APBA2: variants seen among roughly 807,000 people sequenced by gnomAD.
APBA2 encodes the protein amyloid-beta A4 precursor protein-binding family A member 2.
In APBA2, 30 loss-of-function variants were observed where a neutral mutation model predicts 75.0. The observed-to-expected ratio is 0.40, with a 90% CI of 0.30 to 0.54. The LOEUF (loss-of-function observed/expected upper bound fraction) is 0.54. APBA2 is among the 20% of genes least tolerant of loss of function. The pLI is 0.49. For missense variants in APBA2, 801 were observed against 1,016.1 expected, an observed-to-expected ratio of 0.79 and a Z score of 2.88; for synonymous variants, 444 against 409.6, an observed-to-expected ratio of 1.08 and a Z score of -1.01.
chr15:29,057,499 T>A (rs1000079742), intron 4 of APBA2, among the ~76,000 whole-genome samples: 1 of 152,248 alleles, frequency 6.6e-6, no homozygotes, highest in Non-Finnish European at 1.5e-5. Context: ...TGGTCCCTAC[T>A]ACCCTAACGG....
chr15:29,075,916 G>A, intron 5 of APBA2, 139 bp from the exon 6 acceptor site: 2 of 782,174 alleles, frequency 2.6e-6, no homozygotes, highest in East Asian at 4.9e-5. Flanking sequence ...GTATGGAGCT[G>A]ACATCTTCAG....
At chr15:28,990,875 G>C (rs1052325734) in intron 2 of APBA2, 3 of 152,140 alleles carry the variant, frequency 2.0e-5, no homozygotes, top group African/African-American at 7.2e-5. Flanking sequence ...TTTTAATGCC[G>C]TGTTTACAGG....
At chr15:29,037,020 CAA>C (rs1012950085) in intron 3 of APBA2, among the ~76,000 whole-genome samples, 1 of 128,590 alleles carries the variant, frequency 7.8e-6, no homozygotes. Context: ...ACCCTGTCTC[CAA>C]AAAAAAAAAG....
intron 12 of APBA2, among the ~76,000 whole-genome samples, chr15:29,107,245 C>T (rs1020660095): frequency 5.3e-5 from 8 of 152,152 alleles, no homozygotes; most frequent in South Asian, 4.1e-4. Context: ...GGTTCTGGGA[C>T]GCAGGTTCCC....
At chr15:28,908,251 CT>C (rs1426832344) in intron 1 of APBA2, among the ~76,000 whole-genome samples, 1 of 152,054 alleles carries the variant, frequency 6.6e-6, no homozygotes, top group Non-Finnish European at 1.5e-5. Flanking sequence ...AGTCACGCCC[CT>C]GTCACTCCCT....
chr15:29,022,865 A>G (rs2040020795), intron 3 of APBA2, among the ~76,000 whole-genome samples: 1 of 139,376 alleles, frequency 7.2e-6, no homozygotes, highest in African/African-American at 3.2e-5. Flanking sequence ...ATTTGTTTTT[A>G]TCTGGGAATG....
chr15:29,008,701 C>G (rs1401022902), intron 3 of APBA2, among the ~76,000 whole-genome samples: 1 of 152,090 alleles, frequency 6.6e-6, no homozygotes. Flanking sequence ...AGAGCGAGAT[C>G]CCATCTCAGA....
At chr15:28,927,505 A>G (rs2034333151) in intron 2 of APBA2, among the ~76,000 whole-genome samples, 1 of 151,924 alleles carries the variant, frequency 6.6e-6, no homozygotes, top group Admixed American at 6.5e-5. Context: ...TTGGTATTCC[A>G]GTTACACGTG....
chr15:29,031,133 C>T (rs2040468135), intron 3 of APBA2, among the ~76,000 whole-genome samples: 1 of 151,956 alleles, frequency 6.6e-6, no homozygotes, highest in African/African-American at 2.4e-5. Flanking sequence ...TTTTAGCAGT[C>T]TTCGTGCCAT....
At chr15:29,060,360 AGAC>A (rs1420246399) in intron 4 of APBA2, among the ~76,000 whole-genome samples, 19 of 152,264 alleles carry the variant, frequency 1.2e-4, no homozygotes, top group African/African-American at 4.6e-4. Flanking sequence ...ACCTGTGAAT[AGAC>A]TGTGGACTGT....
chr15:29,002,971 C>G (rs748031185), intron 3 of APBA2, among the ~76,000 whole-genome samples: 1 of 151,922 alleles, frequency 6.6e-6, no homozygotes, highest in Non-Finnish European at 1.5e-5. Flanking sequence ...GGCAAACAAG[C>G]GTGTATATAT....
At chr15:29,003,306 A>G (rs1174923023) in intron 3 of APBA2, among the ~76,000 whole-genome samples, 1 of 152,160 alleles carries the variant, frequency 6.6e-6, no homozygotes, top group Non-Finnish European at 1.5e-5. Flanking sequence ...TTCACAATCT[A>G]CTTAAGATGA....
intron 4 of APBA2, among the ~76,000 whole-genome samples, chr15:29,071,285 C>A (rs766056129): frequency 7.2e-5 from 11 of 152,098 alleles, no homozygotes; most frequent in African/African-American, 2.4e-4. Flanking sequence ...TTATTACAAG[C>A]ATTTATCTCT....
rs754279665 is a variant in APBA2, at chr15:29,098,488, A to T, written c.1252-2A>T. 3 of 1,612,762 alleles carry T rather than the reference A, an allele frequency of 1.9e-6. No individual in the cohort carries two copies. The highest frequency in any genetic ancestry group is 2.5e-6 in the Non-Finnish European group (3 of 1,178,740). Reference sequence around the variant, plus strand: ...TTTAACAATATCCACTGTCCTTCTTAGAATTCTGAGGGGGATGCCCAGACG... The same window carrying T: ...TTTAACAATATCCACTGTCCTTCTTTGAATTCTGAGGGGGATGCCCAGACG... On this transcript the variant is annotated splice_acceptor_variant, in intron 8 of 14. Transcript: ENST00000683413. LOFTEE classifies it high-confidence loss of function.
intron 1 of APBA2, among the ~76,000 whole-genome samples, chr15:28,907,770 T>C (rs2033205272): frequency 6.6e-6 from 1 of 152,152 alleles, no homozygotes; most frequent in African/African-American, 2.4e-5. Flanking sequence ...CCTGAGCCAC[T>C]CTGTGTGATG....
intron 2 of APBA2, among the ~76,000 whole-genome samples, chr15:28,946,108 G>C (rs974175178): frequency 5.3e-5 from 8 of 152,208 alleles, no homozygotes; most frequent in African/African-American, 1.9e-4. Context: ...TCTTGATTTT[G>C]TTGCAGATAG....
intron 2 of APBA2, among the ~76,000 whole-genome samples, chr15:28,958,253 A>C (rs1434420573): frequency 6.6e-6 from 1 of 152,162 alleles, no homozygotes; most frequent in Non-Finnish European, 1.5e-5. Context: ...GCCTAGGAGG[A>C]GGGGCCATAA....
intron 4 of APBA2, among the ~76,000 whole-genome samples, chr15:29,059,388 A>G (rs528024124): frequency 3.9e-5 from 6 of 152,310 alleles, no homozygotes; most frequent in Admixed American, 3.9e-4. Flanking sequence ...GAGGTGCTAA[A>G]GTAAACTTCT....
At chr15:28,906,706 A>G (rs549663137) in intron 1 of APBA2, among the ~76,000 whole-genome samples, 1 of 152,320 alleles carries the variant, frequency 6.6e-6, no homozygotes, top group South Asian at 2.1e-4. Context: ...GTGGGTATAA[A>G]GTGATAGCTT....
Sources: gnomAD v4.1 joint callset for allele counts (sites outside exome capture counted in the v4.1 genomes callset) on GRCh38, gnomAD v4.1.1 for gene constraint, MANE v1.5 for transcripts, NCBI Gene and HGNC (gene_info 2026-07-23, HGNC 2026-07-21) for gene names.